The following ZNF804A variants were observed in gnomAD, a reference collection of about 807,000 sequenced individuals.
ZNF804A encodes the protein zinc finger protein 804A.
In ZNF804A, 2 loss-of-function variants were observed where a neutral mutation model predicts 16.5. That is an observed-to-expected ratio of 0.12 (90% confidence interval 0.05 to 0.38). The LOEUF (loss-of-function observed/expected upper bound fraction) is 0.38, where lower values mean the gene tolerates loss of function less well. ZNF804A is among the 10% of genes least tolerant of loss of function. The pLI, the probability that ZNF804A is intolerant of heterozygous loss-of-function variation, is 0.99. For synonymous variants in ZNF804A, 534 were observed against 489.6 expected, an observed-to-expected ratio of 1.09 and a Z score of -1.20; for missense variants, 1,473 against 1,390.7, an observed-to-expected ratio of 1.06 and a Z score of -0.94.
chr2:184,678,872 GA>G (rs1295147774), intron 1 of ZNF804A, among the ~76,000 whole-genome samples: 2 of 152,004 alleles, frequency 1.3e-5, no homozygotes, highest in Non-Finnish European at 2.9e-5. Flanking sequence ...AATGCAGACA[GA>G]AAAAATATCT....
At chr2:184,639,924 C>A (rs1306892507) in intron 1 of ZNF804A, among the ~76,000 whole-genome samples, 1 of 152,120 alleles carries the variant, frequency 6.6e-6, no homozygotes, top group Non-Finnish European at 1.5e-5. Flanking sequence ...ATGGTGTGAA[C>A]CCCGGAGGCA....
At chr2:184,698,458 A>G (rs746785510) in intron 1 of ZNF804A, among the ~76,000 whole-genome samples, 11 of 152,082 alleles carry the variant, frequency 7.2e-5, no homozygotes, top group Non-Finnish European at 2.9e-5. Context: ...AAAGGCTCTT[A>G]TTGGCTGAGT....
intron 1 of ZNF804A, among the ~76,000 whole-genome samples, chr2:184,630,029 G>A (rs1320420502): frequency 6.6e-6 from 1 of 151,968 alleles, no homozygotes; most frequent in Non-Finnish European, 1.5e-5. Flanking sequence ...TGACTTTAAA[G>A]CAATGTTTGT....
At chr2:184,728,659 C>T (rs983047571) in intron 1 of ZNF804A, among the ~76,000 whole-genome samples, 2 of 151,814 alleles carry the variant, frequency 1.3e-5, no homozygotes, top group African/African-American at 4.8e-5. Context: ...TCTGATTTCA[C>T]TTGTGACATT....
intron 1 of ZNF804A, among the ~76,000 whole-genome samples, chr2:184,637,676 A>ATACATTCTTCTCTCTATT (rs6147067): frequency 0.86 from 130,302 of 151,894 alleles, 56,149 homozygotes; most frequent in African/African-American, 0.89. Flanking sequence ...TGCAGGCATA[A>ATACATTCTTCTCTCTATT]TTTAGAAAAT....
intron 1 of ZNF804A, among the ~76,000 whole-genome samples, chr2:184,673,280 C>G (rs1223270023): frequency 6.6e-6 from 1 of 152,054 alleles, no homozygotes; most frequent in Non-Finnish European, 1.5e-5. Context: ...TTTAATAACC[C>G]ATCATTTTGT....
Position 184,936,317 on chromosome 2 carries a change from A to T in ZNF804A, c.921A>T (p.Leu307Phe), listed in dbSNP as rs1252502797. 6.2e-7 allele frequency: 1 copy of T among 1,613,788 alleles called. No individual in the cohort carries two copies. Among genetic ancestry groups the T allele is most frequent in the South Asian group, 1.1e-5 (1 of 91,070 alleles). ...TCTCTAGTGAAAAAGATGCATTATT[A>T]TTACCTTCATTTTGCAAGTTTCAAC... ...KEVSSEKDALLLPSFCKFQLQ... is the reference protein window; with the variant it reads ...KEVSSEKDALFLPSFCKFQLQ... The change falls in exon 4 of 4, where the codon TTA becomes TTT. Residue 307 changes from leucine (L) to phenylalanine (F), a missense_variant. By Grantham distance (22) the Leu-to-Phe change is conservative. Transcript: ENST00000302277.
At position 184,604,786 on chromosome 2, in the gene ZNF804A, T is replaced by C. The variant is rs971512103; in HGVS notation, c.111+5716T>C. 5.4e-4 allele frequency among the ~76,000 whole-genome samples: 82 copies of C among 152,178 alleles called. 5 individuals are homozygous for C. The highest frequency in any genetic ancestry group is 4.4e-5 in the Non-Finnish European group (3 of 68,028). ...TTACCTATGTGGAGACAGAAATATT[T>C]CTATCGTTATATTTTATTCTGTAGT... On this transcript the variant is annotated intron_variant, in intron 1 of 3. Transcript: ENST00000302277.
intron 1 of ZNF804A, among the ~76,000 whole-genome samples, chr2:184,852,096 A>G (rs1241833778): frequency 1.3e-5 from 2 of 151,754 alleles, no homozygotes; most frequent in Admixed American, 6.6e-5. Context: ...AACCTTATCA[A>G]ATTTATGATT....
chr2:184,763,245 T>C (rs1192981332), intron 1 of ZNF804A, among the ~76,000 whole-genome samples: 1 of 152,092 alleles, frequency 6.6e-6, no homozygotes, highest in Non-Finnish European at 1.5e-5. Context: ...AGGAGTTAAG[T>C]AAAGGTGAGC....
At chr2:184,737,835 C>T (rs537305625) in intron 1 of ZNF804A, among the ~76,000 whole-genome samples, 1 of 152,030 alleles carries the variant, frequency 6.6e-6, no homozygotes, top group South Asian at 2.1e-4. Flanking sequence ...AAGAAAATAT[C>T]AGATCTGTCC....
intron 2 of ZNF804A, among the ~76,000 whole-genome samples, chr2:184,914,373 G>T (rs1271296905): frequency 6.6e-6 from 1 of 152,108 alleles, no homozygotes; most frequent in Non-Finnish European, 1.5e-5. Flanking sequence ...GTTGTAAGAG[G>T]CTCTCTAGGT....
rs377410719 is a variant in ZNF804A at position 184,933,708 on chromosome 2, G to T, written c.361G>T (p.Ala121Ser). 41 of 1,604,486 alleles carry T rather than the reference G, an allele frequency of 2.6e-5. No individual in the cohort carries two copies. The highest frequency in any genetic ancestry group is 3.2e-5 in the Non-Finnish European group (38 of 1,177,292). The change falls in exon 3 of 4, where the codon GCT (alanine) becomes TCT (serine). Residue 121 changes from alanine (A) to serine (S), a missense_variant. Coordinates refer to ENST00000302277, the MANE Select transcript of ZNF804A (RefSeq NM_194250.2). Reference sequence around the variant, plus strand: ...GGCACTCCAACGCCTGCACAAGCTGGCTGAGCTAAGAAAGGAAACTGTATG... The same window carrying T: ...GGCACTCCAACGCCTGCACAAGCTGTCTGAGCTAAGAAAGGAAACTGTATG... ...EKALQRLHKL[A>S]ELRKETVCAP...
At chr2:184,670,313 G>A (rs568134860) in intron 1 of ZNF804A, among the ~76,000 whole-genome samples, 3 of 152,028 alleles carry the variant, frequency 2.0e-5, no homozygotes, top group East Asian at 1.9e-4. Context: ...GAGTACCCCA[G>A]TTATTATATT....
At chr2:184,729,622 A>G (rs1693478580) in intron 1 of ZNF804A, among the ~76,000 whole-genome samples, 2 of 152,150 alleles carry the variant, frequency 1.3e-5, no homozygotes, top group Admixed American at 1.3e-4. Flanking sequence ...AGTGAACAAA[A>G]AAATAGATTT....
intron 1 of ZNF804A, among the ~76,000 whole-genome samples, chr2:184,755,033 G>C (rs1428571426): frequency 6.6e-6 from 1 of 151,750 alleles, no homozygotes; most frequent in Non-Finnish European, 1.5e-5. Flanking sequence ...ACATACATGA[G>C]GTTTATAATT....
At position 184,598,894 on chromosome 2, in the gene ZNF804A, C is replaced by T; in HGVS notation, c.-66C>T. 6 of 1,106,082 alleles carry T rather than the reference C, an allele frequency of 5.4e-6. No homozygotes were observed. Among genetic ancestry groups the T allele is most frequent in the Non-Finnish European group, 7.5e-6 (6 of 804,824 alleles). 68.5% of individuals were successfully genotyped at this position (1,106,082 alleles called of 1,614,324 possible). ...CAGCCCACCGTCGCCGGCCCCGGCG[C>T]GCTGCGGCTGTGGGCGCGGGGTGCG... is the stretch of plus-strand genomic sequence containing the variant. On this transcript the variant is annotated 5_prime_UTR_variant, in exon 1 of 4. Coordinates refer to ENST00000302277, the MANE Select transcript of ZNF804A (RefSeq NM_194250.2).
rs1214820766 is a variant in ZNF804A, at chr2:184,864,204, A to C, written c.112-2165A>C. Among the ~76,000 whole-genome samples the C allele has an allele frequency of 2.6e-5, 4 of 152,106 alleles. 1 individual carries two copies. Among genetic ancestry groups the C allele is most frequent in the Non-Finnish European group, 1.5e-5 (1 of 67,996 alleles). ...TGCTTCCACTCATAATGGAAGGGGA[A>C]GGGGAGCTGGTGGGTGCAGAGATCA... is the stretch of plus-strand genomic sequence containing the variant. On this transcript the variant is annotated intron_variant, in intron 1 of 3. Transcript: ENST00000302277.
intron 1 of ZNF804A, among the ~76,000 whole-genome samples, chr2:184,852,229 T>TTCTCTCTCTCTCTCTC (rs10618125): frequency 7.4e-6 from 1 of 134,664 alleles, no homozygotes; most frequent in African/African-American, 2.8e-5. Context: ...TGCGGTCTCT[T>TTCTCTCTCTCTCTCTC]TCTCTCTCTC....
Sources: gnomAD v4.1 joint callset for allele counts (sites outside exome capture counted in the v4.1 genomes callset) on GRCh38, gnomAD v4.1.1 for gene constraint, MANE v1.5 for transcripts, NCBI Gene and HGNC (gene_info 2026-07-23, HGNC 2026-07-21) for gene names.